SLC2A3: variants seen among roughly 807,000 people sequenced by gnomAD.
SLC2A3 encodes solute carrier family 2, facilitated glucose transporter member 3.
In SLC2A3, 21 loss-of-function variants were observed where a neutral mutation model predicts 46.4. That is an observed-to-expected ratio of 0.45 (90% CI 0.32 to 0.65). The LOEUF (loss-of-function observed/expected upper bound fraction) is 0.65, where lower values mean the gene tolerates loss of function less well. Ranked by LOEUF, SLC2A3 falls within the 30% of genes least tolerant of loss-of-function variation. SLC2A3 has a pLI of 0.04. For missense variants in SLC2A3, 499 were observed against 623.3 expected (o/e 0.80, Z 2.12); for synonymous variants, 213 against 239.4 (o/e 0.89, Z 1.02).
At chr12:7,927,769 A>C (rs115092450) in intron 6 of SLC2A3, among the ~76,000 whole-genome samples, 3,646 of 152,188 alleles carry the variant, frequency 0.024, 141 homozygotes, top group African/African-American at 0.081. Context: ...ATTGGGAGCC[A>C]GCTTAGTCCA....
chr12:7,921,323 A>G lies in SLC2A3; in HGVS notation c.*90T>C. 1 of 1,593,044 alleles carries G rather than the reference A, an allele frequency of 6.3e-7. No individual in the cohort carries two copies. Among genetic ancestry groups the G allele is most frequent in the Non-Finnish European group, 8.6e-7 (1 of 1,168,112 alleles). ...AAGGAATTAAGTAGCAGCATTCAGAAGCGTCCTGGGTTCATCCTGATGAGG... is the reference window on the plus strand; with the variant it reads ...AAGGAATTAAGTAGCAGCATTCAGAGGCGTCCTGGGTTCATCCTGATGAGG... On this transcript the variant is annotated 3_prime_UTR_variant, in exon 10 of 10. Coordinates refer to ENST00000075120, the MANE Select transcript of SLC2A3 (RefSeq NM_006931.3).
In SLC2A3 at chr12:7,933,147, T is replaced by C. The variant is rs1156567723; in HGVS notation, c.109A>G (p.Ile37Val). The C allele has an allele frequency of 6.2e-7, 1 of 1,613,920 alleles. No individual in the cohort carries two copies. The highest frequency in any genetic ancestry group is 8.5e-7 in the Non-Finnish European group (1 of 1,179,882). ...NTGVINAPEKIIKEFINKTLT... is the reference protein window; with the variant it reads ...NTGVINAPEKVIKEFINKTLT... ...GTTTTATTGATAAATTCCTTTATGA[T>C]CTGCAAAATAAAAGGGTTGGTGGAA... The change falls in exon 3 of 10, where the codon ATC becomes GTC. Residue 37 changes from isoleucine (I) to valine (V), a missense_variant and splice_region_variant. Ile to Val is a conservative substitution (Grantham distance 29, BLOSUM62 3). Transcript: ENST00000075120.
intron 3 of SLC2A3, 39 bp from the exon 4 acceptor site, chr12:7,931,524 T>C (rs771619180): frequency 5.0e-6 from 8 of 1,612,246 alleles, no homozygotes; most frequent in Non-Finnish European, 6.8e-6. Flanking sequence ...ATTAGCAAAG[T>C]GAGAGGCTCC....
Position 7,921,464 on chromosome 12 carries a change from G to A in SLC2A3, c.1440C>T (p.Val480=), listed in dbSNP as rs769424892. Residue 480 remains valine, a synonymous_variant, in exon 10 of 10, where the codon GTC becomes GTT. Coordinates refer to ENST00000075120, the MANE Select transcript of SLC2A3 (RefSeq NM_006931.3). ...CAGGCTCGATGCTGTTCATCTCCAT[G>A]ACGCCGTCCTTTCCAGATCTATCTG... ...HGADRSGKDG[V]MEMNSIEPAK... 6.2e-7 allele frequency: 1 copy of A among 1,613,962 alleles called. No individual in the cohort carries two copies. Among genetic ancestry groups the A allele is most frequent in the Non-Finnish European group, 8.5e-7 (1 of 1,179,878 alleles).
At chr12:7,932,356 T>C (rs2121199230) in intron 3 of SLC2A3, among the ~76,000 whole-genome samples, 1 of 152,150 alleles carries the variant, frequency 6.6e-6, no homozygotes, top group South Asian at 2.1e-4. Flanking sequence ...TTTTGTATTT[T>C]TGGTAGAGAC....
Position 7,924,338 on chromosome 12 carries a change from C to T in SLC2A3, c.1068+72G>A, listed in dbSNP as rs975598125. On this transcript the variant is annotated intron_variant, in intron 8 of 9. Transcript: ENST00000075120. ...AAACTGCAACCTTAACAACCCACCC[C>T]TTGTGTCACAGAAGTCAACTGTAAC... 11 of 1,561,826 alleles carry T rather than the reference C, an allele frequency of 7.0e-6. 1 individual carries two copies. The highest frequency in any genetic ancestry group is 3.5e-5 in the South Asian group (3 of 84,950).
At chr12:7,926,177 C>T (rs781657996) in intron 6 of SLC2A3, among the ~76,000 whole-genome samples, 15 of 152,220 alleles carry the variant, frequency 9.9e-5, no homozygotes, top group African/African-American at 3.1e-4. Flanking sequence ...CTGCTACCTC[C>T]ACCTCCCAGA....
At chr12:7,928,154 T>C (rs116628027) in intron 6 of SLC2A3, among the ~76,000 whole-genome samples, 3,649 of 150,998 alleles carry the variant, frequency 0.024, 141 homozygotes, top group African/African-American at 0.082. Context: ...AATCCCAGCA[T>C]TTAGGAAGGC....
At position 7,934,247 on chromosome 12, in the gene SLC2A3, A is replaced by G. The variant is rs774254642; in HGVS notation, c.16-345T>C. ...ACGAACTGGGAGGGCAGAGAAAAAG[A>G]CAGTCTCGGGTAGGATTACTAAGAA... On this transcript the variant is annotated intron_variant, in intron 1 of 9. Coordinates refer to ENST00000075120, the MANE Select transcript of SLC2A3 (RefSeq NM_006931.3). Among the ~76,000 whole-genome samples, 31 of 152,154 alleles carry G rather than the reference A, an allele frequency of 2.0e-4. 1 individual carries two copies. The highest frequency in any genetic ancestry group is 7.2e-5 in the African/African-American group (3 of 41,438).
chr12:7,927,828 C>T (rs1289833011), intron 6 of SLC2A3, among the ~76,000 whole-genome samples: 1 of 152,016 alleles, frequency 6.6e-6, no homozygotes. Flanking sequence ...CCTGTAAGGC[C>T]GGCACTTTAG....
At position 7,932,119 on chromosome 12, in the gene SLC2A3, A is replaced by G. The variant is rs187901634; in HGVS notation, c.270-634T>C. On this transcript the variant is annotated intron_variant, in intron 3 of 9. Transcript: ENST00000075120. ...ATGGTCTCGATCTCCTGACCTTGTT[A>G]TCTGCCCGCCTCAGCCTCCCAAAGT... Among the ~76,000 whole-genome samples, 228 of 150,374 alleles carry G rather than the reference A, an allele frequency of 1.5e-3. 1 individual carries two copies. The highest frequency in any genetic ancestry group is 5.2e-3 in the African/African-American group (213 of 40,800).
At position 7,925,952 on chromosome 12, in the gene SLC2A3, G is replaced by A. The variant is rs1251027672; in HGVS notation, c.862-4C>T. The stretch of plus-strand genomic sequence containing the variant: ...TTCCTGTTGAGTAATAGAACACCTA[G>A]GAGAAAAGAAAACATGCAGCTTTGA... On this transcript the variant is annotated splice_region_variant and splice_polypyrimidine_tract_variant and intron_variant, in intron 6 of 9. Transcript: ENST00000075120. The A allele has an allele frequency of 1.2e-6, 2 of 1,609,058 alleles. No homozygotes were observed. Among genetic ancestry groups the A allele is most frequent in the Non-Finnish European group, 1.7e-6 (2 of 1,175,556 alleles).
At chr12:7,926,062 C>T (rs182528514) in intron 6 of SLC2A3, 114 bp from the exon 7 acceptor site, 17 of 809,572 alleles carry the variant, frequency 2.1e-5, no homozygotes, top group Middle Eastern at 2.3e-4. Flanking sequence ...TCTAGGTTTT[C>T]GTTCAATACT....
At position 7,933,012 on chromosome 12, in the gene SLC2A3, C is replaced by G. The variant is rs752981317; in HGVS notation, c.244G>C (p.Gly82Arg). The part of the protein sequence containing the change: ...VGGMIGSFSV[G>R]LFVNRFGRRN... ...CTGCCAAAGCGGTTGACGAAGAGTC[C>G]GACGGAAAAGGAGCCGATCATACCC... Residue 82 changes from glycine to arginine, a missense_variant, in exon 3 of 10, where the codon GGA becomes CGA. Physicochemically the swap from Gly to Arg is moderately radical, Grantham distance 125. This residue lies in a region of SLC2A3 where 248 missense variants were observed against 284.0 expected (regional missense o/e 0.87). Coordinates refer to ENST00000075120, the MANE Select transcript of SLC2A3 (RefSeq NM_006931.3). 3 of 1,614,008 alleles carry G rather than the reference C, an allele frequency of 1.9e-6. No individual in the cohort carries two copies. The highest frequency in any genetic ancestry group is 2.5e-6 in the Non-Finnish European group (3 of 1,179,984).
chr12:7,926,157 T>A (rs1169211061), intron 6 of SLC2A3, among the ~76,000 whole-genome samples: 1 of 152,154 alleles, frequency 6.6e-6, no homozygotes, highest in Non-Finnish European at 1.5e-5. Flanking sequence ...AGTGGCACAA[T>A]CTCAGCTCAC....
rs758069047 is a variant in SLC2A3, at chr12:7,922,877, C to T, written c.1216G>A (p.Gly406Ser). The change falls in exon 9 of 10, where the codon GGC (glycine) becomes AGC (serine). Residue 406 changes from glycine to serine, a missense_variant. By Grantham distance (56) the Gly-to-Ser change is moderately conservative. Around this residue, in one of 5 missense-constraint regions of SLC2A3, gnomAD observed 179 missense variants for 205.1 expected, o/e 0.87. Transcript: ENST00000075120. ...AAGTTGGAGGTCCAGTTGGAGCAGC[C>T]GGCCACTGCCATCGCAGCTGGGCGG... ...GPRPAAMAVA[G>S]CSNWTSNFLV... The T allele has an allele frequency of 5.6e-6, 9 of 1,613,952 alleles. No homozygotes were observed. The highest frequency in any genetic ancestry group is 2.7e-5 in the African/African-American group (2 of 74,918).
At chr12:7,934,254 C>T (rs943645605) in intron 1 of SLC2A3, among the ~76,000 whole-genome samples, 7 of 152,048 alleles carry the variant, frequency 4.6e-5, no homozygotes, top group Admixed American at 1.3e-4. Context: ...AAGACAGTCT[C>T]GGGTAGGATT....
chr12:7,931,876 T>A (rs185436396), intron 3 of SLC2A3, among the ~76,000 whole-genome samples: 155 of 124,888 alleles, frequency 1.2e-3, no homozygotes, highest in Middle Eastern at 4.1e-3. Context: ...AATATCTAAT[T>A]GGCATTTTTT....
chr12:7,925,485 C>A (rs1946085564), intron 7 of SLC2A3: 1 of 196,884 alleles, frequency 5.1e-6, no homozygotes. Flanking sequence ...TGATTGCACA[C>A]CTCACGGGGA....
Sources: gnomAD v4.1 joint callset for allele counts (sites outside exome capture counted in the v4.1 genomes callset) on GRCh38, gnomAD v4.1.1 for gene constraint, gnomAD v4.1.1 regional missense constraint, MANE v1.5 for transcripts, NCBI Gene and HGNC (gene_info 2026-07-23, HGNC 2026-07-21) for gene names.